The following PLB1 variants were observed in gnomAD, a reference collection of about 807,000 sequenced individuals.
PLB1 encodes phospholipase B1, membrane-associated.
A neutral mutation model predicts 227.4 loss-of-function variants in PLB1; 242 were observed. The ratio of observed to expected loss-of-function variants is 1.06; its 90% CI spans 0.96 to 1.18. PLB1 has a LOEUF of 1.18. Ranked by LOEUF, PLB1 falls within the 50% of genes most tolerant of loss-of-function variation. PLB1 has a pLI of 0.00. For missense variants in PLB1, 1,858 were observed against 1,816.3 expected, an observed-to-expected ratio of 1.02 and a Z score of -0.42; for synonymous variants, 757 against 682.2, an observed-to-expected ratio of 1.11 and a Z score of -1.71.
At chr2:28,542,441 C>G (rs1485052814) in intron 13 of PLB1, among the ~76,000 whole-genome samples, 3 of 152,002 alleles carry the variant, frequency 2.0e-5, no homozygotes, top group African/African-American at 7.3e-5. Context: ...GAACTCTGTT[C>G]TGTAAAATCA....
chr2:28,542,680 C>A (rs977161421), intron 13 of PLB1, among the ~76,000 whole-genome samples: 9 of 152,294 alleles, frequency 5.9e-5, no homozygotes, highest in Non-Finnish European at 1.2e-4. Context: ...CTTGCCCGCT[C>A]CCCCAGGACA....
chr2:28,567,469 CTTTTTTT>C (rs57787583), intron 20 of PLB1, among the ~76,000 whole-genome samples: 8 of 108,090 alleles, frequency 7.4e-5, no homozygotes, highest in African/African-American at 1.6e-4. Flanking sequence ...ATTTCTTTCT[CTTTTTTT>C]TTTTTTTTTT....
At chr2:28,533,637 A>G (rs566172243) in intron 9 of PLB1, among the ~76,000 whole-genome samples, 15 of 152,262 alleles carry the variant, frequency 9.9e-5, no homozygotes, top group African/African-American at 3.4e-4. Flanking sequence ...GTATAAATTC[A>G]TTTTCTCATC....
chr2:28,518,065 A>G lies in PLB1; in HGVS notation c.118-401A>G, dbSNP rs796610321. ...TATTTTTGTATTTCGTATTTTTAGTAGAGACAAAATTTCGCCATGTTAGCC... is the reference window on the plus strand; with the variant it reads ...TATTTTTGTATTTCGTATTTTTAGTGGAGACAAAATTTCGCCATGTTAGCC... On this transcript the variant is annotated intron_variant, in intron 2 of 57. Coordinates refer to ENST00000327757, the MANE Select transcript of PLB1 (RefSeq NM_153021.5). Among the ~76,000 whole-genome samples, 44 of 152,198 alleles carry G rather than the reference A, an allele frequency of 2.9e-4. 1 individual carries two copies. Among genetic ancestry groups the G allele is most frequent in the African/African-American group, 1.0e-3 (43 of 41,522 alleles).
At chr2:28,547,260 G>A (rs1673439311) in intron 14 of PLB1, among the ~76,000 whole-genome samples, 1 of 150,330 alleles carries the variant, frequency 6.7e-6, no homozygotes, top group Admixed American at 6.6e-5. Context: ...AGACAGATCA[G>A]CACCTGGCCC....
At chr2:28,620,829 G>T (rs769151320) in intron 48 of PLB1, 50 bp from the exon 49 acceptor site, 2 of 1,533,948 alleles carry the variant, frequency 1.3e-6, no homozygotes, top group African/African-American at 1.4e-5. Context: ...TACTGTGAGG[G>T]TCCTGCAGGC....
chr2:28,576,580 AT>A (rs1440386445), intron 21 of PLB1, among the ~76,000 whole-genome samples: 1 of 152,098 alleles, frequency 6.6e-6, no homozygotes, highest in African/African-American at 2.4e-5. Flanking sequence ...AAATACAACA[AT>A]TAGCCGGGTG....
At chr2:28,571,792 C>G (rs919022421) in intron 20 of PLB1, among the ~76,000 whole-genome samples, 3 of 151,948 alleles carry the variant, frequency 2.0e-5, no homozygotes, top group African/African-American at 7.3e-5. Flanking sequence ...AAAATTCACT[C>G]AAAATGAATC....
intron 17 of PLB1, among the ~76,000 whole-genome samples, 159 bp downstream of exon 17, chr2:28,553,150 A>G (rs1228434140): frequency 6.6e-6 from 1 of 152,230 alleles, no homozygotes; most frequent in Non-Finnish European, 1.5e-5. Context: ...GTGTTTGACT[A>G]TTCTTTAACT....
At chr2:28,611,732 G>A (rs1479007864) in intron 43 of PLB1, among the ~76,000 whole-genome samples, 2 of 152,090 alleles carry the variant, frequency 1.3e-5, no homozygotes, top group African/African-American at 2.4e-5. Flanking sequence ...CTGTTAACCC[G>A]AGACAAGCCC....
chr2:28,545,763 C>T (rs546157068), intron 14 of PLB1, among the ~76,000 whole-genome samples: 77 of 152,204 alleles, frequency 5.1e-4, no homozygotes, highest in Admixed American at 2.2e-3. Flanking sequence ...ACTGGGACAT[C>T]GAGGTGGAAG....
rs73922186 is a variant in PLB1, at chr2:28,591,141, G to A, written c.2097G>A (p.Pro699=). Residue 699 remains proline (P), a synonymous_variant, in exon 30 of 58, where the codon CCG becomes CCA. Coordinates refer to ENST00000327757, the MANE Select transcript of PLB1 (RefSeq NM_153021.5). ...CCCCCCTCTCCTCACAGGTCCAGCC[G>A]TTTCTGAGGACCTACAAGAACAGCA... ...INITCPNQVQ[P]FLRTYKNSMQ... 2.0e-3 allele frequency: 3,190 copies of A among 1,614,168 alleles called. 50 individuals carry two copies. In the African/African-American group the frequency reaches 0.036, roughly 18 times the overall value.
Position 28,600,874 on chromosome 2 carries a change from A to G in PLB1, c.2526+14A>G. ...AAAGATGATCATGTGAGTCAGATTT[A>G]CTGTTATTTCTAAACATTAATTTTC... On this transcript the variant is annotated intron_variant, in intron 36 of 57. Transcript: ENST00000327757. 6.2e-7 allele frequency: 1 copy of G among 1,603,486 alleles called. No homozygotes were observed. Among genetic ancestry groups the G allele is most frequent in the East Asian group, 2.2e-5 (1 of 44,826 alleles).
rs13430578 is a variant in PLB1, at chr2:28,523,331, C to T, written c.244-1936C>T. 8.8e-4 allele frequency among the ~76,000 whole-genome samples: 126 copies of T among 142,384 alleles called. 1 individual carries two copies. In the Middle Eastern group the frequency reaches 0.015, roughly 16 times the overall value. 93.4% of individuals were successfully genotyped at this position (142,384 alleles called of 152,430 possible). A position where few individuals can be genotyped will look rare whatever the true frequency, so the allele number is the denominator to read the frequency against. ...GGGTCATACTGCAATATCTTATCTG[C>T]GAGGTTTTTTTTTTTTTTTTTTTTT... On this transcript the variant is annotated intron_variant, in intron 4 of 57. Transcript: ENST00000327757.
chr2:28,566,874 G>C (rs750111029), intron 20 of PLB1, 35 bp downstream of exon 20: 1 of 1,612,842 alleles, frequency 6.2e-7, no homozygotes, highest in Non-Finnish European at 8.5e-7. Context: ...TGTTTGGTTT[G>C]GGGCGGCCCC....
intron 11 of PLB1, among the ~76,000 whole-genome samples, 198 bp downstream of exon 11, chr2:28,539,376 T>C (rs1333173094): frequency 1.3e-5 from 2 of 152,128 alleles, no homozygotes; most frequent in African/African-American, 4.8e-5. Flanking sequence ...AAGCATTGTT[T>C]TGGGGACTGA....
At chr2:28,610,982 C>A (rs1042935275) in intron 43 of PLB1, among the ~76,000 whole-genome samples, 1 of 152,184 alleles carries the variant, frequency 6.6e-6, no homozygotes, top group African/African-American at 2.4e-5. Context: ...TGGCTCCAGG[C>A]CTTTAAACCA....
At chr2:28,528,477 ACT>A (rs1670569825) in intron 6 of PLB1, among the ~76,000 whole-genome samples, 1 of 151,930 alleles carries the variant, frequency 6.6e-6, no homozygotes, top group South Asian at 2.1e-4. Context: ...CCCTGCTGTC[ACT>A]CTCAGGAGAA....
At chr2:28,532,339 TGGA>T in intron 9 of PLB1, 145 bp downstream of exon 9, 1 of 542,870 alleles carries the variant, frequency 1.8e-6, no homozygotes, top group Non-Finnish European at 3.3e-6. Context: ...GATGGATGGA[TGGA>T]TGGATAGATG....
Sources: allele counts gnomAD v4.1 joint callset (sites outside exome capture counted in the v4.1 genomes callset), GRCh38; gene constraint gnomAD v4.1.1; transcripts MANE v1.5; gene names NCBI Gene and HGNC (gene_info 2026-07-23, HGNC 2026-07-21).